Variants in SLITRK4 observed in about 807,000 individuals in gnomAD.
The protein encoded by SLITRK4 is SLIT and NTRK like family member 4, also known as SLIT and NTRK-like protein 4.
In SLITRK4, 7 loss-of-function variants were observed where a neutral mutation model predicts 34.7. The observed-to-expected ratio is 0.20, with a 90% CI of 0.11 to 0.38. The LOEUF is 0.38. Ranked by LOEUF, SLITRK4 falls within the 10% of genes least tolerant of loss-of-function variation. The pLI, the probability that SLITRK4 is intolerant of heterozygous loss-of-function variation, is 1.00. For synonymous variants in SLITRK4, 237 were observed against 246.2 expected (o/e 0.96, Z 0.35); for missense variants, 474 against 607.0 (o/e 0.78, Z 2.30).
chrX:143,628,569 C>T lies in SLITRK4; in HGVS notation c.*26G>A. On this transcript the variant is annotated 3_prime_UTR_variant, in exon 2 of 2. Coordinates refer to ENST00000356928, the MANE Select transcript of SLITRK4 (RefSeq NM_001184749.3). Reference sequence around the variant, plus strand: ...GCACTTTCATCATTAAATAAATGTCCTCTGTATGAAGTAAGATTACATGAC... The same window carrying T: ...GCACTTTCATCATTAAATAAATGTCTTCTGTATGAAGTAAGATTACATGAC... The T allele has an allele frequency of 1.8e-6, 2 of 1,104,407 alleles. No homozygotes were observed. Among genetic ancestry groups the T allele is most frequent in the Non-Finnish European group, 1.2e-6 (1 of 826,577 alleles). The allele number at this position is 1,104,407 out of a possible 1,213,427, so 91.0% of individuals were successfully genotyped here.
At position 143,629,119 on chromosome X, in the gene SLITRK4, T is replaced by A. The variant is rs879981210; in HGVS notation, c.1990A>T (p.Met664Leu). 2 of 1,212,159 alleles carry A rather than the reference T, an allele frequency of 1.6e-6. No individual in the cohort carries two copies. Among genetic ancestry groups the A allele is most frequent in the South Asian group, 3.5e-5 (2 of 57,004 alleles). Residue 664 changes from methionine to leucine, a missense_variant, in exon 2 of 2, where the codon ATG becomes TTG. Transcript: ENST00000356928. ...EGLGNPDCGS[M>L]QLQLRKHDHK... ...TCATGCTTCCTTAGCTGCAGCTGCATGGAGCCACAGTCAGGATTCCCCAGG... is the reference window on the plus strand; with the variant it reads ...TCATGCTTCCTTAGCTGCAGCTGCAAGGAGCCACAGTCAGGATTCCCCAGG...
chrX:143,635,022 A>C (rs782336964), intron 1 of SLITRK4: 1 of 108,178 alleles, frequency 9.2e-6, no homozygotes, highest in South Asian at 4.2e-4. Flanking sequence ...GCAGGCGAGC[A>C]GGCGGGCCGG....
At position 143,630,055 on chromosome X, in the gene SLITRK4, G is replaced by C. The variant is rs1602931314; in HGVS notation, c.1054C>G (p.Pro352Ala). The change falls in exon 2 of 2, where the codon CCT becomes GCT. Residue 352 changes from proline to alanine, a missense_variant. Physicochemically the swap from Pro to Ala is conservative, Grantham distance 27 (BLOSUM62 -1). Transcript: ENST00000356928. ...TTCACACTTAGTCCCAAATCTGAAG[G>C]GTGTGTTTTGCAGAAGCAAGGTGCC... ...CPAPCFCKTH[P>A]SDLGLSVNCQ... 5 of 1,211,661 alleles carry C rather than the reference G, an allele frequency of 4.1e-6. No homozygotes were observed. The highest frequency in any genetic ancestry group is 5.6e-6 in the Non-Finnish European group (5 of 895,376).
At position 143,627,294 on chromosome X, in the gene SLITRK4, A is replaced by G. The variant is rs1367982883; in HGVS notation, c.*1301T>C. ...TTTTTAAATACTTGTAGCGAAAACT[A>G]TTTGAATTAAGCTCATAGAATCCTG... is the stretch of plus-strand genomic sequence containing the variant. On this transcript the variant is annotated 3_prime_UTR_variant, in exon 2 of 2. Coordinates refer to ENST00000356928, the MANE Select transcript of SLITRK4 (RefSeq NM_001184749.3). 9.1e-6 allele frequency: 1 copy of G among 110,089 alleles called. No individual in the cohort carries two copies. 9.1% of individuals were successfully genotyped at this position (110,089 alleles called of 1,213,427 possible).
rs1014063364 is a variant in SLITRK4, at chrX:143,625,113, G to C, written c.*3482C>G. 1 of 110,676 alleles carries C rather than the reference G, an allele frequency of 9.0e-6. No individual in the cohort carries two copies. The highest frequency in any genetic ancestry group is 9.6e-5 in the Admixed American group (1 of 10,372). 9.1% of individuals were successfully genotyped at this position (110,676 alleles called of 1,213,427 possible). On this transcript the variant is annotated 3_prime_UTR_variant, in exon 2 of 2. Coordinates refer to ENST00000356928, the MANE Select transcript of SLITRK4 (RefSeq NM_001184749.3). ...TTTCTAGACGTGTTCTGTTATTTCT[G>C]AAATACCTGTTGATGTTACTCATAA...
At position 143,627,681 on chromosome X, in the gene SLITRK4, T is replaced by G. The variant is rs368189528; in HGVS notation, c.*914A>C. 1 of 111,368 alleles carries G rather than the reference T, an allele frequency of 9.0e-6. No homozygotes were observed. Among genetic ancestry groups the G allele is most frequent in the South Asian group, 3.8e-4 (1 of 2,663 alleles). The allele number at this position is 111,368 out of a possible 1,213,427, so 9.2% of individuals were successfully genotyped here. A position where few individuals can be genotyped will look rare whatever the true frequency, so the allele number is the denominator to read the frequency against. On this transcript the variant is annotated 3_prime_UTR_variant, in exon 2 of 2. Coordinates refer to ENST00000356928, the MANE Select transcript of SLITRK4 (RefSeq NM_001184749.3). ...GGAGTACATATTTTCCTATTTAGTA[T>G]ACAAAGTACTTCATAAATATGAATT...
rs782513018 is a variant in SLITRK4, at chrX:143,625,062, T to G, written c.*3533A>C. The G allele has an allele frequency of 1.8e-5, 2 of 111,409 alleles. No homozygotes were observed. Among genetic ancestry groups the G allele is most frequent in the East Asian group, 5.6e-4 (2 of 3,549 alleles). The allele number at this position is 111,409 out of a possible 1,213,427, so 9.2% of individuals were successfully genotyped here. On this transcript the variant is annotated 3_prime_UTR_variant, in exon 2 of 2. Transcript: ENST00000356928. ...CAATGTACAAATCATGCAAAAAATG[T>G]TATAGATTAATATTACCACCATACA...
At position 143,624,929 on chromosome X, in the gene SLITRK4, T is replaced by C. The variant is rs1400086794; in HGVS notation, c.*3666A>G. 2 of 111,656 alleles carry C rather than the reference T, an allele frequency of 1.8e-5. No homozygotes were observed. Among genetic ancestry groups the C allele is most frequent in the Admixed American group, 1.9e-4 (2 of 10,501 alleles). The allele number at this position is 111,656 out of a possible 1,213,427, so 9.2% of individuals were successfully genotyped here. A position where few individuals can be genotyped will look rare whatever the true frequency, so the allele number is the denominator to read the frequency against. ...AAACAATACAATATTTTTTTTACTT[T>C]ATTTTAAAATAGTGATTATAAATAC... On this transcript the variant is annotated 3_prime_UTR_variant, in exon 2 of 2. Coordinates refer to ENST00000356928, the MANE Select transcript of SLITRK4 (RefSeq NM_001184749.3).
Position 143,636,071 on chromosome X carries a change from G to A in SLITRK4, c.-387C>T, listed in dbSNP as rs998469131. ...GGATAGGGGTTGAGGAAAGAGAGGC[G>A]TGGGACTGGGAGAGATGCCGCACTT... On this transcript the variant is annotated 5_prime_UTR_variant, in exon 1 of 2. In the 5' UTR this introduces an upstream ATG that the reference lacks. Coordinates refer to ENST00000356928, the MANE Select transcript of SLITRK4 (RefSeq NM_001184749.3). Among the ~76,000 whole-genome samples, 1 of 100,295 alleles carries A rather than the reference G, an allele frequency of 1.0e-5. No individual in the cohort carries two copies. Among genetic ancestry groups the A allele is most frequent in the Non-Finnish European group, 2.0e-5 (1 of 49,642 alleles). 87.1% of individuals were successfully genotyped at this position (100,295 alleles called of 115,157 possible). A position where few individuals can be genotyped will look rare whatever the true frequency, so the allele number is the denominator to read the frequency against.
At position 143,624,252 on chromosome X, in the gene SLITRK4, C is replaced by A. The variant is rs782029626; in HGVS notation, c.*4343G>T. 4.5e-5 allele frequency: 5 copies of A among 111,910 alleles called. No individual in the cohort carries two copies. The highest frequency in any genetic ancestry group is 1.6e-4 in the African/African-American group (5 of 30,945). 9.2% of individuals were successfully genotyped at this position (111,910 alleles called of 1,213,427 possible). On this transcript the variant is annotated 3_prime_UTR_variant, in exon 2 of 2. Transcript: ENST00000356928. ...AAAGTCATGGATTGATAATTTTGGT[C>A]ATCTTTAAAAGAACCAAATACAAAT...
intron 1 of SLITRK4, among the ~76,000 whole-genome samples, chrX:143,632,355 G>C (rs782526232): frequency 1.9e-3 from 217 of 111,426 alleles, no homozygotes; most frequent in Non-Finnish European, 3.4e-3. Flanking sequence ...TCGTTTTCAG[G>C]TCCTTAAATA....
chrX:143,629,495 G>A lies in SLITRK4; in HGVS notation c.1614C>T (p.Asp538=). Residue 538 remains aspartate (D), a synonymous_variant, in exon 2 of 2, where the codon GAC becomes GAT. Coordinates refer to ENST00000356928, the MANE Select transcript of SLITRK4 (RefSeq NM_001184749.3). ...CCACCCACAGCTTTAATGCCACCAA[G>A]TCACAAGTACAGTCCCATGGGTTGC... ...LEGNPWDCTC[D]LVALKLWVEK... 8.3e-7 allele frequency: 1 copy of A among 1,211,671 alleles called. No homozygotes were observed. Among genetic ancestry groups the A allele is most frequent in the Admixed American group, 2.2e-5 (1 of 46,042 alleles).
chrX:143,630,858 T>C lies in SLITRK4; in HGVS notation c.251A>G (p.His84Arg). 1 of 1,207,032 alleles carries C rather than the reference T, an allele frequency of 8.3e-7. No homozygotes were observed. The highest frequency in any genetic ancestry group is 1.1e-6 in the Non-Finnish European group (1 of 894,060). ...LYPNTFLNFSHAVSLHLGNNK... is the reference protein window; with the variant it reads ...LYPNTFLNFSRAVSLHLGNNK... ...ATTCCCCAGATGCAGGGAGACTGCA[T>C]GTGAAAAATTCAAGAATGTATTTGG... Residue 84 changes from histidine to arginine, a missense_variant, in exon 2 of 2, where the codon CAT (histidine) becomes CGT (arginine). By Grantham distance (29) the His-to-Arg change is conservative. Coordinates refer to ENST00000356928, the MANE Select transcript of SLITRK4 (RefSeq NM_001184749.3).
Position 143,627,469 on chromosome X carries a change from A to T in SLITRK4, c.*1126T>A, listed in dbSNP as rs1930830826. On this transcript the variant is annotated 3_prime_UTR_variant, in exon 2 of 2. Coordinates refer to ENST00000356928, the MANE Select transcript of SLITRK4 (RefSeq NM_001184749.3). ...AGCACAGAATTGACTGTTCTTTTGT[A>T]TTTTTTTCTTTTCTGTTTGTTTTAA... 9.1e-6 allele frequency: 1 copy of T among 110,376 alleles called. No homozygotes were observed. Among genetic ancestry groups the T allele is most frequent in the Non-Finnish European group, 1.9e-5 (1 of 52,696 alleles). 9.1% of individuals were successfully genotyped at this position (110,376 alleles called of 1,213,427 possible). A position where few individuals can be genotyped will look rare whatever the true frequency, so the allele number is the denominator to read the frequency against.
chrX:143,628,369 G>T lies in SLITRK4; in HGVS notation c.*226C>A. 1 of 366,440 alleles carries T rather than the reference G, an allele frequency of 2.7e-6. No individual in the cohort carries two copies. Among genetic ancestry groups the T allele is most frequent in the African/African-American group, 2.6e-5 (1 of 38,629 alleles). The allele number at this position is 366,440 out of a possible 1,213,427, so 30.2% of individuals were successfully genotyped here. A position where few individuals can be genotyped will look rare whatever the true frequency, so the allele number is the denominator to read the frequency against. ...TATAAAGCATCCCTTTGGCAATAGA[G>T]TTTGCAGTATCCCCACAGGACTCCA... On this transcript the variant is annotated 3_prime_UTR_variant, in exon 2 of 2. Coordinates refer to ENST00000356928, the MANE Select transcript of SLITRK4 (RefSeq NM_001184749.3).
chrX:143,631,297 C>T (rs1254672706), intron 1 of SLITRK4, 139 bp from the exon 2 acceptor site: 1 of 378,201 alleles, frequency 2.6e-6, no homozygotes, highest in South Asian at 7.6e-5. Context: ...AATAGTCTCA[C>T]TCAGTCGAAC....
rs1556427502 is a variant in SLITRK4, at chrX:143,630,180, G to T, written c.929C>A (p.Ser310Tyr). The T allele has an allele frequency of 8.3e-7, 1 of 1,211,706 alleles. No homozygotes were observed. Among genetic ancestry groups the T allele is most frequent in the Non-Finnish European group, 1.1e-6 (1 of 895,530 alleles). ...VTKPPKTTNPSKISGIVAGKA... is the reference protein window; with the variant it reads ...VTKPPKTTNPYKISGIVAGKA... ...GCCTGCAACGATTCCAGAGATCTTG[G>T]AAGGATTTGTTGTTTTTGGTGGTTT... Residue 310 changes from serine (S) to tyrosine (Y), a missense_variant, in exon 2 of 2, where the codon TCC becomes TAC. This residue lies in a region of SLITRK4 where 345 missense variants were observed against 406.5 expected (regional missense o/e 0.85). Transcript: ENST00000356928.
Position 143,629,818 on chromosome X carries a change from A to G in SLITRK4, c.1291T>C (p.Tyr431His), listed in dbSNP as rs782146176. The change falls in exon 2 of 2, where the codon TAT (tyrosine) becomes CAT (histidine). Residue 431 changes from tyrosine to histidine, a missense_variant. Tyr to His is a moderately conservative substitution (Grantham distance 83). Coordinates refer to ENST00000356928, the MANE Select transcript of SLITRK4 (RefSeq NM_001184749.3). ...FHNLTNLRRL[Y>H]LNGNQIERLY... ...CTCTCAATTTGATTGCCATTGAGAT[A>G]TAGCCTGCGTAAATTAGTGAGATTG... The G allele has an allele frequency of 1.7e-6, 2 of 1,210,344 alleles. No individual in the cohort carries two copies. Among genetic ancestry groups the G allele is most frequent in the Non-Finnish European group, 2.2e-6 (2 of 894,347 alleles).
rs1556425880 is a variant in SLITRK4, at chrX:143,628,253, T to C, written c.*342A>G. Reference sequence around the variant, plus strand: ...GCTGGTACAGGTGTACCAGTTTTCTTGAGTTTGCTTTACAAAGCACAAAGA... The same window carrying C: ...GCTGGTACAGGTGTACCAGTTTTCTCGAGTTTGCTTTACAAAGCACAAAGA... On this transcript the variant is annotated 3_prime_UTR_variant, in exon 2 of 2. Coordinates refer to ENST00000356928, the MANE Select transcript of SLITRK4 (RefSeq NM_001184749.3). The C allele has an allele frequency of 5.4e-5, 16 of 297,864 alleles. No homozygotes were observed. The Admixed American group carries it at 8.4e-4, about 16-fold the overall frequency. 24.5% of individuals were successfully genotyped at this position (297,864 alleles called of 1,213,427 possible). A position where few individuals can be genotyped will look rare whatever the true frequency, so the allele number is the denominator to read the frequency against.
Sources: allele counts gnomAD v4.1 joint callset (sites outside exome capture counted in the v4.1 genomes callset), GRCh38; gene constraint gnomAD v4.1.1; regional missense constraint gnomAD v4.1.1; transcripts MANE v1.5; gene names NCBI Gene and HGNC (gene_info 2026-07-23, HGNC 2026-07-21).